SPTSSA: variants seen among roughly 807,000 people sequenced by gnomAD.
SPTSSA encodes serine palmitoyltransferase small subunit A.
Under a neutral mutation model 9.1 loss-of-function variants are expected in SPTSSA, and 8 were observed. That is an observed-to-expected ratio of 0.88 (90% CI 0.51 to 1.58). The LOEUF is 1.58. Among genes scored for constraint, SPTSSA ranks in the 40% most tolerant of loss-of-function variants. SPTSSA has a pLI of 0.00. For missense variants in SPTSSA, 100 were observed against 93.8 expected (o/e 1.07, Z -0.27); for synonymous variants, 42 against 37.7 (o/e 1.11, Z -0.41).
chr14:34,435,537 T>C (rs1289909284), intron 1 of SPTSSA, among the ~76,000 whole-genome samples: 1 of 151,940 alleles, frequency 6.6e-6, no homozygotes, highest in Non-Finnish European at 1.5e-5. Flanking sequence ...CTATCTTTAC[T>C]ATCACCATAT....
In SPTSSA at chr14:34,434,319, G is replaced by A. The variant is rs912246139; in HGVS notation, c.*882C>T. 3 of 152,444 alleles carry A rather than the reference G, an allele frequency of 2.0e-5. No individual in the cohort carries two copies. Among genetic ancestry groups the A allele is most frequent in the Admixed American group, 6.6e-5 (1 of 15,262 alleles). The allele number at this position is 152,444 out of a possible 1,614,324, so 9.4% of individuals were successfully genotyped here. A position where few individuals can be genotyped will look rare whatever the true frequency, so the allele number is the denominator to read the frequency against. ...TTGCTATAATTTTTAACAACAATTC[G>A]TCTCATCATAACTTAATGCAATGTG... On this transcript the variant is annotated 3_prime_UTR_variant, in exon 2 of 2. Coordinates refer to ENST00000298130, the MANE Select transcript of SPTSSA (RefSeq NM_138288.4).
chr14:34,441,799 C>T (rs1189189694), intron 1 of SPTSSA, among the ~76,000 whole-genome samples: 6 of 152,074 alleles, frequency 3.9e-5, no homozygotes, highest in Non-Finnish European at 7.4e-5. Flanking sequence ...TAACCACCAC[C>T]GCCCAGTTCG....
intron 1 of SPTSSA, among the ~76,000 whole-genome samples, chr14:34,457,984 A>C (rs529025911): frequency 4.7e-4 from 71 of 149,648 alleles, no homozygotes; most frequent in Middle Eastern, 6.8e-3. Context: ...AAAAAAAAAA[A>C]AAAAAACAAA....
At chr14:34,449,703 A>T (rs1883485621) in intron 1 of SPTSSA, among the ~76,000 whole-genome samples, 1 of 150,576 alleles carries the variant, frequency 6.6e-6, no homozygotes, top group South Asian at 2.1e-4. Flanking sequence ...GGGTTTCACC[A>T]TGTTGGCCAG....
At chr14:34,439,491 ATTAAC>A (rs1883287393) in intron 1 of SPTSSA, among the ~76,000 whole-genome samples, 1 of 152,074 alleles carries the variant, frequency 6.6e-6, no homozygotes, top group Non-Finnish European at 1.5e-5. Context: ...AAAAAATAAA[ATTAAC>A]TTAAAATAAA....
intron 1 of SPTSSA, among the ~76,000 whole-genome samples, chr14:34,448,648 T>C (rs1186060555): frequency 3.3e-5 from 5 of 152,196 alleles, no homozygotes; most frequent in Non-Finnish European, 1.5e-5. Context: ...TGAGCCCCTA[T>C]GTTCAGGCCC....
rs1221301853 is a variant in SPTSSA at position 34,432,810 on chromosome 14, T to G, written c.*2391A>C. ...AGCTTTTTTCAGCAATAAATAATTC[T>G]TTAATTAAGATAGGTATATTGGGTG... is the stretch of plus-strand genomic sequence containing the variant. On this transcript the variant is annotated 3_prime_UTR_variant, in exon 2 of 2. Transcript: ENST00000298130. 2 of 151,970 alleles carry G rather than the reference T, an allele frequency of 1.3e-5. No homozygotes were observed. Among genetic ancestry groups the G allele is most frequent in the African/African-American group, 4.8e-5 (2 of 41,382 alleles). 9.4% of individuals were successfully genotyped at this position (151,970 alleles called of 1,614,324 possible).
intron 1 of SPTSSA, among the ~76,000 whole-genome samples, chr14:34,451,857 C>T (rs1315964787): frequency 6.6e-6 from 1 of 151,876 alleles, no homozygotes; most frequent in Non-Finnish European, 1.5e-5. Context: ...ATGCTGTTTA[C>T]TGAAAAGCAA....
At chr14:34,435,623 C>CTTTTTTTTTTTTTTTTT (rs769896697) in intron 1 of SPTSSA, among the ~76,000 whole-genome samples, 3 of 92,470 alleles carry the variant, frequency 3.2e-5, no homozygotes, top group African/African-American at 1.4e-4. Flanking sequence ...GTTTGTTTCT[C>CTTTTTTTTTTTTTTTTT]TTTTTTTTTT....
chr14:34,451,558 C>A (rs541739445), intron 1 of SPTSSA, among the ~76,000 whole-genome samples: 1 of 151,978 alleles, frequency 6.6e-6, no homozygotes, highest in South Asian at 2.1e-4. Flanking sequence ...CCCGTCTCTA[C>A]TAAAAATACA....
rs1348908028 is a variant in SPTSSA at position 34,462,083 on chromosome 14, C to T, written c.112+13G>A. On this transcript the variant is annotated intron_variant, in intron 1 of 1. Coordinates refer to ENST00000298130, the MANE Select transcript of SPTSSA (RefSeq NM_138288.4). ...CCAGCCCGGCCCCCGCGCGCGCGGC[C>T]GGGACAGGATACTGAACACCGTCCG... 1 of 1,410,416 alleles carries T rather than the reference C, an allele frequency of 7.1e-7. No homozygotes were observed. Among genetic ancestry groups the T allele is most frequent in the South Asian group, 1.5e-5 (1 of 67,478 alleles). The allele number at this position is 1,410,416 out of a possible 1,614,324, so 87.4% of individuals were successfully genotyped here. A position where few individuals can be genotyped will look rare whatever the true frequency, so the allele number is the denominator to read the frequency against.
intron 1 of SPTSSA, among the ~76,000 whole-genome samples, chr14:34,454,133 A>T (rs1170801584): frequency 6.6e-6 from 1 of 152,168 alleles, no homozygotes; most frequent in Non-Finnish European, 1.5e-5. Flanking sequence ...TGAACTAAAG[A>T]TCATGCCAGC....
At chr14:34,459,909 TTAAG>T (rs1878583668) in intron 1 of SPTSSA, among the ~76,000 whole-genome samples, 1 of 152,200 alleles carries the variant, frequency 6.6e-6, no homozygotes, top group South Asian at 2.1e-4. Flanking sequence ...GGATTGATGA[TTAAG>T]TTGAATGTAA....
chr14:34,436,899 T>C (rs1471374275), intron 1 of SPTSSA, among the ~76,000 whole-genome samples: 1 of 151,816 alleles, frequency 6.6e-6, no homozygotes, highest in Non-Finnish European at 1.5e-5. Flanking sequence ...AATCCAGTTA[T>C]TCCTTAAACT....
chr14:34,459,207 C>T (rs948892803), intron 1 of SPTSSA, among the ~76,000 whole-genome samples: 1 of 151,790 alleles, frequency 6.6e-6, no homozygotes, highest in Admixed American at 6.6e-5. Context: ...CCAAGGCAGG[C>T]GGATCACTTG....
intron 1 of SPTSSA, among the ~76,000 whole-genome samples, chr14:34,449,722 C>G (rs533593345): frequency 6.6e-6 from 1 of 151,694 alleles, no homozygotes; most frequent in South Asian, 2.1e-4. Context: ...AGGCTGGTCT[C>G]GAACTCCTGG....
intron 1 of SPTSSA, among the ~76,000 whole-genome samples, chr14:34,455,589 A>G (rs1369002834): frequency 2.0e-5 from 3 of 152,152 alleles, no homozygotes; most frequent in East Asian, 1.9e-4. Flanking sequence ...CTTAAAATTC[A>G]TATTTTCCAA....
intron 1 of SPTSSA, among the ~76,000 whole-genome samples, chr14:34,457,952 A>G (rs1878516873): frequency 7.1e-6 from 1 of 141,228 alleles, no homozygotes; most frequent in African/African-American, 2.7e-5. Context: ...AGCCTGGGTG[A>G]CAGAGCAAGA....
At chr14:34,449,672 T>C (rs1304902367) in intron 1 of SPTSSA, among the ~76,000 whole-genome samples, 2 of 151,810 alleles carry the variant, frequency 1.3e-5, no homozygotes, top group African/African-American at 4.8e-5. Flanking sequence ...CCAGCTGATT[T>C]TTATATTTTT....
Sources: gnomAD v4.1 joint callset for allele counts (sites outside exome capture counted in the v4.1 genomes callset) on GRCh38, gnomAD v4.1.1 for gene constraint, MANE v1.5 for transcripts, NCBI Gene and HGNC (gene_info 2026-07-23, HGNC 2026-07-21) for gene names.